The following USP43 variants were observed in gnomAD, a reference collection of about 807,000 sequenced individuals.
The protein encoded by USP43 is ubiquitin specific peptidase 43.
A neutral mutation model predicts 90.7 loss-of-function variants in USP43; 33 were observed. That is an observed-to-expected ratio of 0.36 (90% CI 0.28 to 0.49). The LOEUF (loss-of-function observed/expected upper bound fraction) is 0.49, where lower values mean the gene tolerates loss of function less well. Ranked by LOEUF, USP43 falls within the 20% of genes least tolerant of loss-of-function variation. The pLI, the probability that USP43 is intolerant of heterozygous loss-of-function variation, is 0.98. For synonymous variants in USP43, 598 were observed against 615.8 expected, an observed-to-expected ratio of 0.97 and a Z score of 0.43; for missense variants, 1,274 against 1,476.4, an observed-to-expected ratio of 0.86 and a Z score of 2.25.
chr17:9,700,396 AGT>A, intron 10 of USP43, 147 bp downstream of exon 10: 1 of 678,766 alleles, frequency 1.5e-6, no homozygotes, highest in East Asian at 2.8e-5. Context: ...GAGATGCCTG[AGT>A]GAGAATTTTC....
intron 5 of USP43, among the ~76,000 whole-genome samples, chr17:9,680,013 A>ATTT (rs58054610): frequency 7.6e-5 from 10 of 132,056 alleles, no homozygotes; most frequent in African/African-American, 2.8e-4. Flanking sequence ...TAAAACTTAG[A>ATTT]TTTTTTTTTT....
At position 9,650,636 on chromosome 17, in the gene USP43, C is replaced by T. The variant is rs186471788; in HGVS notation, c.504+4500C>T. Among the ~76,000 whole-genome samples the T allele has an allele frequency of 2.5e-4, 38 of 152,246 alleles. 1 individual carries two copies. Among genetic ancestry groups the T allele is most frequent in the African/African-American group, 8.9e-4 (37 of 41,536 alleles). ...CATGCTGGTCTCAAACGCCTGACCC[C>T]AAGTGATCCACCTGCCTCGGCCTCT... is the stretch of plus-strand genomic sequence containing the variant. On this transcript the variant is annotated intron_variant, in intron 1 of 14. Coordinates refer to ENST00000285199, the MANE Select transcript of USP43 (RefSeq NM_153210.5).
Position 9,711,489 on chromosome 17 carries a change from C to T in USP43, c.2171-479C>T, listed in dbSNP as rs141126525. Among the ~76,000 whole-genome samples the T allele has an allele frequency of 5.3e-3, 805 of 152,252 alleles. 6 individuals are homozygous for T. Among genetic ancestry groups the T allele is most frequent in the East Asian group, 0.019 (99 of 5,182 alleles). On this transcript the variant is annotated intron_variant, in intron 13 of 14. Coordinates refer to ENST00000285199, the MANE Select transcript of USP43 (RefSeq NM_153210.5). ...TGTTGCCCAGGCTGGAGTACAGTAG[C>T]GCGATTTCGGCTCACTGCAACCTCC... is the stretch of plus-strand genomic sequence containing the variant.
intron 14 of USP43, among the ~76,000 whole-genome samples, chr17:9,720,510 T>C (rs1364349776): frequency 6.6e-6 from 1 of 150,584 alleles, no homozygotes; most frequent in Non-Finnish European, 1.5e-5. Flanking sequence ...TTTTTTGAGA[T>C]GGTGTTTCAC....
intron 9 of USP43, among the ~76,000 whole-genome samples, chr17:9,698,843 A>T (rs966687393): frequency 2.0e-5 from 3 of 152,230 alleles, no homozygotes; most frequent in African/African-American, 7.2e-5. Context: ...CTGATTAAGG[A>T]TGCAGCTTAG....
In USP43 at chr17:9,646,109, C is replaced by A; in HGVS notation, c.477C>A (p.Tyr159Ter). 1.3e-6 allele frequency: 2 copies of A among 1,491,890 alleles called. No homozygotes were observed. The highest frequency in any genetic ancestry group is 1.8e-6 in the Non-Finnish European group (2 of 1,122,170). The allele number at this position is 1,491,890 out of a possible 1,614,324, so 92.4% of individuals were successfully genotyped here. A position where few individuals can be genotyped will look rare whatever the true frequency, so the allele number is the denominator to read the frequency against. Residue 159 changes from tyrosine to a stop codon, truncating the protein, a stop_gained, in exon 1 of 15, where the codon TAC (tyrosine) becomes TAA (stop). Transcript: ENST00000285199. LOFTEE classifies it high-confidence loss of function. Reference sequence around the variant, plus strand: ...TGCGCGCGCTCTGGACTCGCGAATACACGCCCCAACTTTCCGCGGAGTTCA... The same window carrying A: ...TGCGCGCGCTCTGGACTCGCGAATAAACGCCCCAACTTTCCGCGGAGTTCA... The part of the protein sequence containing the change: ...ALVRALWTRE[Y>*]TPQLSAEFKN...
Position 9,728,072 on chromosome 17 carries a change from C to T in USP43, c.2454C>T (p.Ser818=). ...GPFKTMPLRW[S]FGSKEKPPGA... ...TCAAGACCATGCCTCTGCGGTGGTC[C>T]TTTGGATCCAAGGAGAAACCACCAG... The change falls in exon 15 of 15, where the codon TCC becomes TCT. Residue 818 remains serine (S), a synonymous_variant. Transcript: ENST00000285199. This position sits in a 1 kb window ranked among gnomAD's most constrained non-coding sequence, Gnocchi z 6.2. The T allele has an allele frequency of 6.2e-7, 1 of 1,613,882 alleles. No individual in the cohort carries two copies. The highest frequency in any genetic ancestry group is 1.1e-5 in the South Asian group (1 of 91,058).
rs1261831570 is a variant in USP43 at position 9,656,509 on chromosome 17, C to T, written c.611C>T (p.Ser204Leu). ...CGTGTACATGAGGACCTGGAGGGTTCATCCCGAGGGCCGGTGTCGGAGAAG... is the reference window on the plus strand; with the variant it reads ...CGTGTACATGAGGACCTGGAGGGTTTATCCCGAGGGCCGGTGTCGGAGAAG... ...LDRVHEDLEG[S>L]SRGPVSEKLP... The change falls in exon 2 of 15, where the codon TCA (serine) becomes TTA (leucine). Residue 204 changes from serine (S) to leucine (L), a missense_variant. Ser to Leu is a moderately radical substitution (Grantham distance 145). Transcript: ENST00000285199. 5 of 1,611,414 alleles carry T rather than the reference C, an allele frequency of 3.1e-6. No homozygotes were observed. In the African/African-American group the frequency reaches 5.3e-5, roughly 17 times the overall value.
At chr17:9,667,338 G>C (rs963251292) in intron 3 of USP43, among the ~76,000 whole-genome samples, 1 of 151,948 alleles carries the variant, frequency 6.6e-6, no homozygotes, top group East Asian at 1.9e-4. Flanking sequence ...CGTACAGTGA[G>C]CCGTGATCGC....
chr17:9,645,593 G>A lies in USP43; in HGVS notation c.-40G>A. 1 of 1,179,724 alleles carries A rather than the reference G, an allele frequency of 8.5e-7. No individual in the cohort carries two copies. Among genetic ancestry groups the A allele is most frequent in the African/African-American group, 1.6e-5 (1 of 62,326 alleles). 73.1% of individuals were successfully genotyped at this position (1,179,724 alleles called of 1,614,324 possible). On this transcript the variant is annotated 5_prime_UTR_variant, in exon 1 of 15. Coordinates refer to ENST00000285199, the MANE Select transcript of USP43 (RefSeq NM_153210.5). The surrounding 1 kb of genome is among the most constrained non-coding windows in gnomAD (Gnocchi z 6.8). ...CCTGCTGGCCGCTCGTCCGCCTCGC[G>A]CCCGGGGGCTCCGCGCCTGGAGCTG...
chr17:9,682,903 A>G lies in USP43; in HGVS notation c.1186A>G (p.Ser396Gly). 1 of 1,614,022 alleles carries G rather than the reference A, an allele frequency of 6.2e-7. No homozygotes were observed. The change falls in exon 7 of 15, where the codon AGC (serine) becomes GGC (glycine). Residue 396 changes from serine to glycine, a missense_variant. This residue lies in a region of USP43 where 253 missense variants were observed against 276.0 expected (regional missense o/e 0.92). Coordinates refer to ENST00000285199, the MANE Select transcript of USP43 (RefSeq NM_153210.5). ...QRFSLSLHSE[S>G]KVLILFCNLV... ...ATTCTCCCTCTCTCTCCACAGTGAG[A>G]GCAAGGTGCTAATCCTCTTCTGTAA...
intron 1 of USP43, among the ~76,000 whole-genome samples, chr17:9,654,374 T>C (rs1912083533): frequency 6.6e-6 from 1 of 152,110 alleles, no homozygotes; most frequent in Admixed American, 6.6e-5. Flanking sequence ...TCCAAACTAA[T>C]GTGATTGACG....
intron 3 of USP43, among the ~76,000 whole-genome samples, chr17:9,668,113 A>G (rs1913166388): frequency 6.6e-6 from 1 of 152,236 alleles, no homozygotes; most frequent in East Asian, 1.9e-4. Context: ...TATGGATACC[A>G]AAACAAGTTT....
chr17:9,682,864 C>T lies in USP43; in HGVS notation c.1147C>T (p.Arg383Cys), dbSNP rs768426613. 1.4e-5 allele frequency: 23 copies of T among 1,613,876 alleles called. No individual in the cohort carries two copies. The highest frequency in any genetic ancestry group is 1.6e-4 in the Middle Eastern group (1 of 6,084). The change falls in exon 7 of 15, where the codon CGT becomes TGT. Residue 383 changes from arginine (R) to cysteine (C), a missense_variant. Arg to Cys is a radical substitution (Grantham distance 180). Around this residue, in one of 6 missense-constraint regions of USP43, gnomAD observed 253 missense variants for 276.0 expected, o/e 0.92. Coordinates refer to ENST00000285199, the MANE Select transcript of USP43 (RefSeq NM_153210.5). ...GTCGGCCTCCCCACGCCTGGCAGCCCGTGAGGGCCAGCGATTCTCCCTCTC... is the reference window on the plus strand; with the variant it reads ...GTCGGCCTCCCCACGCCTGGCAGCCTGTGAGGGCCAGCGATTCTCCCTCTC... Reference protein sequence around the residue: ...GLSASPRLAAREGQRFSLSLH... With the variant: ...GLSASPRLAACEGQRFSLSLH...
chr17:9,680,914 A>G (rs1229457170), intron 6 of USP43, among the ~76,000 whole-genome samples: 1 of 150,094 alleles, frequency 6.7e-6, no homozygotes, highest in Non-Finnish European at 1.5e-5. Flanking sequence ...ACTGGCTAAC[A>G]TGGTCAATTT....
chr17:9,651,905 C>G (rs2151961418), intron 1 of USP43, among the ~76,000 whole-genome samples: 1 of 151,888 alleles, frequency 6.6e-6, no homozygotes, highest in African/African-American at 2.4e-5. Context: ...TTCATGATAC[C>G]AGATAGAAGG....
At position 9,645,953 on chromosome 17, in the gene USP43, C is replaced by T. The variant is rs1911363064; in HGVS notation, c.321C>T (p.Gly107=). Reference sequence around the variant, plus strand: ...GCGCTCAGGGCTTGAAGAACCACGGCAACACCTGTTTCATGAACGCGGTGG... The same window carrying T: ...GCGCTCAGGGCTTGAAGAACCACGGTAACACCTGTTTCATGAACGCGGTGG... ...PPGAQGLKNH[G]NTCFMNAVVQ... Residue 107 remains glycine (G), a synonymous_variant, in exon 1 of 15, where the codon GGC becomes GGT. Coordinates refer to ENST00000285199, the MANE Select transcript of USP43 (RefSeq NM_153210.5). The surrounding 1 kb of genome is among the most constrained non-coding windows in gnomAD (Gnocchi z 6.8). The T allele has an allele frequency of 6.8e-7, 1 of 1,478,880 alleles. No homozygotes were observed. Among genetic ancestry groups the T allele is most frequent in the Middle Eastern group, 1.7e-4 (1 of 5,722 alleles). The allele number at this position is 1,478,880 out of a possible 1,614,324, so 91.6% of individuals were successfully genotyped here.
chr17:9,703,638 G>A (rs1302230766), intron 12 of USP43, among the ~76,000 whole-genome samples: 1 of 152,210 alleles, frequency 6.6e-6, no homozygotes, highest in African/African-American at 2.4e-5. Flanking sequence ...GGACTGGCGA[G>A]GCGGTAGGCA....
chr17:9,698,575 G>C lies in USP43; in HGVS notation c.1458-1597G>C, dbSNP rs932817705. Among the ~76,000 whole-genome samples, 21 of 152,284 alleles carry C rather than the reference G, an allele frequency of 1.4e-4. 1 individual carries two copies. Among genetic ancestry groups the C allele is most frequent in the African/African-American group, 5.1e-4 (21 of 41,560 alleles). On this transcript the variant is annotated intron_variant, in intron 9 of 14. Coordinates refer to ENST00000285199, the MANE Select transcript of USP43 (RefSeq NM_153210.5). ...CATCGCTCCATACACATTGAATAAGGCCCTCTTTCTTTTTGTATCAGAGCT... is the reference window on the plus strand; with the variant it reads ...CATCGCTCCATACACATTGAATAAGCCCCTCTTTCTTTTTGTATCAGAGCT...
Sources: gnomAD v4.1 joint callset for allele counts (sites outside exome capture counted in the v4.1 genomes callset) on GRCh38, gnomAD v4.1.1 for gene constraint, gnomAD v4.1.1 regional missense constraint, Gnocchi (gnomAD v3.1) non-coding constraint, MANE v1.5 for transcripts, NCBI Gene and HGNC (gene_info 2026-07-23, HGNC 2026-07-21) for gene names.